Variants in TLK2 observed in about 807,000 individuals in gnomAD.
TLK2 encodes the protein serine/threonine-protein kinase tousled-like 2.
In TLK2, 6 loss-of-function variants were observed where a neutral mutation model predicts 117.3. The observed-to-expected ratio is 0.05, with a 90% confidence interval of 0.03 to 0.10. The LOEUF (loss-of-function observed/expected upper bound fraction) is 0.10. TLK2 is among the 10% of genes least tolerant of loss of function. TLK2 has a pLI of 1.00. For missense variants in TLK2, 299 were observed against 901.2 expected (o/e 0.33, Z 8.56); for synonymous variants, 257 against 316.7 (o/e 0.81, Z 2.00).
intron 10 of TLK2, among the ~76,000 whole-genome samples, chr17:62,563,708 C>T (rs2079490670): frequency 1.3e-5 from 2 of 152,136 alleles, no homozygotes; most frequent in African/African-American, 4.8e-5. Context: ...TTATAACTCC[C>T]CCTCTCTCTA....
chr17:62,482,647 C>T (rs956809710), intron 2 of TLK2, among the ~76,000 whole-genome samples: 13 of 152,054 alleles, frequency 8.5e-5, no homozygotes, highest in Admixed American at 8.5e-4. Flanking sequence ...GACAGGGTTT[C>T]TCCATGTTGG....
chr17:62,591,996 C>A (rs2147015036), intron 16 of TLK2, among the ~76,000 whole-genome samples: 1 of 151,572 alleles, frequency 6.6e-6, no homozygotes, highest in South Asian at 2.1e-4. Flanking sequence ...CTCTTGTTGC[C>A]CAGGCTGGAG....
chr17:62,519,550 A>G (rs866673403), intron 2 of TLK2, among the ~76,000 whole-genome samples: 1 of 152,156 alleles, frequency 6.6e-6, no homozygotes, highest in South Asian at 2.1e-4. Context: ...GCGGTGGCTC[A>G]CGTCTTTAAT....
chr17:62,581,544 A>C (rs530827044), intron 15 of TLK2, among the ~76,000 whole-genome samples: 1 of 149,558 alleles, frequency 6.7e-6, no homozygotes, highest in South Asian at 2.1e-4. Flanking sequence ...GCTGAAGTGT[A>C]CTCCCATCTC....
rs207476531 is a variant in TLK2, at chr17:62,614,531, G to A, written c.*1966G>A. The stretch of plus-strand genomic sequence containing the variant: ...TGATGACACATTTTCTAGGACCTTC[G>A]TTTGTTTTGTGGACCTGCCTCAGTC... On this transcript the variant is annotated 3_prime_UTR_variant, in exon 22 of 22. Transcript: ENST00000346027. The A allele has an allele frequency of 6.6e-6, 1 of 152,088 alleles. No homozygotes were observed. 9.4% of individuals were successfully genotyped at this position (152,088 alleles called of 1,614,324 possible). A position where few individuals can be genotyped will look rare whatever the true frequency, so the allele number is the denominator to read the frequency against.
intron 6 of TLK2, among the ~76,000 whole-genome samples, 198 bp downstream of exon 6, chr17:62,524,529 C>A (rs897302753): frequency 6.6e-6 from 1 of 152,172 alleles, no homozygotes; most frequent in Non-Finnish European, 1.5e-5. Context: ...AAGAGCCAAT[C>A]CTAATATCTC....
chr17:62,563,570 T>A (rs905585370), intron 10 of TLK2, among the ~76,000 whole-genome samples: 1 of 152,246 alleles, frequency 6.6e-6, no homozygotes, highest in Non-Finnish European at 1.5e-5. Context: ...AATTGCCTGT[T>A]GGTTGAAATA....
chr17:62,488,362 T>G (rs1203385131), intron 2 of TLK2, among the ~76,000 whole-genome samples: 1 of 152,070 alleles, frequency 6.6e-6, no homozygotes, highest in African/African-American at 2.4e-5. Context: ...TTGCAGCAAT[T>G]AGAAGCTTTC....
rs553397248 is a variant in TLK2 at position 62,554,872 on chromosome 17, G to A, written c.720+1117G>A. On this transcript the variant is annotated intron_variant, in intron 9 of 21. Transcript: ENST00000346027. ...AGCATGGACAACAGAGCAAGACCCT[G>A]CCTCAAAAAAAAAAAAAAATTATAC... 9.7e-5 allele frequency among the ~76,000 whole-genome samples: 11 copies of A among 113,234 alleles called. No individual in the cohort carries two copies. In the South Asian group the frequency reaches 3.1e-3, roughly 32 times the overall value. 74.3% of individuals were successfully genotyped at this position (113,234 alleles called of 152,430 possible). A position where few individuals can be genotyped will look rare whatever the true frequency, so the allele number is the denominator to read the frequency against.
chr17:62,489,174 C>CGTGTGTGTGT (rs59470331), intron 2 of TLK2, among the ~76,000 whole-genome samples: 10 of 140,812 alleles, frequency 7.1e-5, no homozygotes, highest in Middle Eastern at 3.5e-3. Context: ...TTTAATTGTA[C>CGTGTGTGTGT]GTGTGTGTGT....
At chr17:62,516,581 C>T in intron 2 of TLK2, 1 of 1,609,968 alleles carries the variant, frequency 6.2e-7, no homozygotes, top group South Asian at 1.1e-5. Flanking sequence ...TGTCTCCAGG[C>T]AAAGTGTTCT....
In TLK2 at chr17:62,565,131, T is replaced by G; in HGVS notation, c.962T>G (p.Leu321Arg). 6.2e-7 allele frequency: 1 copy of G among 1,600,180 alleles called. No individual in the cohort carries two copies. The highest frequency in any genetic ancestry group is 8.5e-7 in the Non-Finnish European group (1 of 1,176,730). ...QWTDGYAFQNLIKQQERINSQ... is the reference protein window; with the variant it reads ...QWTDGYAFQNRIKQQERINSQ... Reference sequence around the variant, plus strand: ...ACAGATGGTTATGCTTTTCAGAATCTTATCAAGTAAGTGAATTGTTATGAT... The same window carrying G: ...ACAGATGGTTATGCTTTTCAGAATCGTATCAAGTAAGTGAATTGTTATGAT... The change falls in exon 11 of 22, where the codon CTT (leucine) becomes CGT (arginine). Residue 321 changes from leucine to arginine, a missense_variant. By Grantham distance (102) the Leu-to-Arg change is moderately radical (BLOSUM62 -2). This residue lies in a region of TLK2 where 94 missense variants were observed against 282.6 expected (regional missense o/e 0.33). Coordinates refer to ENST00000346027, the MANE Select transcript of TLK2 (RefSeq NM_006852.6).
chr17:62,593,943 C>A (rs1276515119), intron 16 of TLK2, among the ~76,000 whole-genome samples: 2 of 151,706 alleles, frequency 1.3e-5, no homozygotes, highest in Non-Finnish European at 2.9e-5. Context: ...CAGGTGCACA[C>A]CACCGCTCCC....
At chr17:62,534,287 C>T (rs1321976957) in intron 6 of TLK2, among the ~76,000 whole-genome samples, 1 of 152,100 alleles carries the variant, frequency 6.6e-6, no homozygotes. Flanking sequence ...GAGAAAAAGG[C>T]CAAACACAAA....
chr17:62,510,273 A>C (rs1453907237), intron 2 of TLK2, among the ~76,000 whole-genome samples: 2 of 152,130 alleles, frequency 1.3e-5, no homozygotes, highest in South Asian at 4.1e-4. Flanking sequence ...CCCTGTCTCA[A>C]AAAAAATTAC....
chr17:62,510,053 T>G (rs907310659), intron 2 of TLK2, among the ~76,000 whole-genome samples: 9 of 151,910 alleles, frequency 5.9e-5, no homozygotes, highest in Non-Finnish European at 1.3e-4. Flanking sequence ...TAGAGGCGAG[T>G]GTACTGCTTG....
intron 16 of TLK2, among the ~76,000 whole-genome samples, chr17:62,595,397 G>A (rs1399461620): frequency 5.3e-5 from 8 of 149,780 alleles, no homozygotes; most frequent in East Asian, 2.0e-4. Flanking sequence ...TCATTATCAA[G>A]TGTTATATAC....
At chr17:62,535,979 G>C (rs2077086954) in intron 6 of TLK2, among the ~76,000 whole-genome samples, 191 bp from the exon 7 acceptor site, 2 of 152,094 alleles carry the variant, frequency 1.3e-5, no homozygotes, top group South Asian at 4.1e-4. Context: ...ATTTGAGTAA[G>C]ATAGTCACAT....
At chr17:62,515,310 T>C (rs1427813271) in intron 2 of TLK2, among the ~76,000 whole-genome samples, 1 of 152,252 alleles carries the variant, frequency 6.6e-6, no homozygotes, top group Non-Finnish European at 1.5e-5. Context: ...GCTATCTCTT[T>C]GAGGCCCTGC....
Sources: allele counts gnomAD v4.1 joint callset (sites outside exome capture counted in the v4.1 genomes callset), GRCh38; gene constraint gnomAD v4.1.1; regional missense constraint gnomAD v4.1.1; transcripts MANE v1.5; gene names NCBI Gene and HGNC (gene_info 2026-07-23, HGNC 2026-07-21).